The following MSI2 variants were observed in gnomAD, a reference collection of about 807,000 sequenced individuals.
The protein encoded by MSI2 is musashi RNA binding protein 2.
Under a neutral mutation model 45.6 loss-of-function variants are expected in MSI2, and 17 were observed. The observed-to-expected ratio is 0.37, with a 90% CI of 0.26 to 0.56. The LOEUF (loss-of-function observed/expected upper bound fraction) is 0.56, where lower values mean the gene tolerates loss of function less well. Ranked by LOEUF, MSI2 falls within the 20% of genes least tolerant of loss-of-function variation. MSI2 has a pLI of 0.77. For synonymous variants in MSI2, 156 were observed against 158.2 expected, an observed-to-expected ratio of 0.99 and a Z score of 0.11; for missense variants, 293 against 444.2, an observed-to-expected ratio of 0.66 and a Z score of 3.06.
intron 10 of MSI2, among the ~76,000 whole-genome samples, chr17:57,648,713 G>A (rs1038065510): frequency 6.6e-6 from 1 of 152,252 alleles, no homozygotes; most frequent in African/African-American, 2.4e-5. Flanking sequence ...TTGGCCCGAG[G>A]CCCTATGAAG....
chr17:57,382,383 C>T (rs1377308135), intron 5 of MSI2, among the ~76,000 whole-genome samples: 1 of 152,046 alleles, frequency 6.6e-6, no homozygotes, highest in African/African-American at 2.4e-5. Flanking sequence ...TAAGGAAGGC[C>T]TAGTGGAGAT....
chr17:57,603,373 T>A (rs1322385660), intron 8 of MSI2, among the ~76,000 whole-genome samples: 1 of 152,210 alleles, frequency 6.6e-6, no homozygotes, highest in Non-Finnish European at 1.5e-5. Context: ...AAGAGAGCCT[T>A]GGAACCTGAG....
rs901875415 is a variant in MSI2, at chr17:57,627,983, G to A, written c.727+680G>A. Reference sequence around the variant, plus strand: ...TGGGACCTCACCTGGGAGAAGCAGCGAGGGGAAACATGGTCTTGTAGGGAT... The same window carrying A: ...TGGGACCTCACCTGGGAGAAGCAGCAAGGGGAAACATGGTCTTGTAGGGAT... On this transcript the variant is annotated intron_variant, in intron 10 of 13. Transcript: ENST00000284073. This position sits in a 1 kb window ranked among gnomAD's most constrained non-coding sequence, Gnocchi z 4.6. 6 of 153,278 alleles carry A rather than the reference G, an allele frequency of 3.9e-5. No individual in the cohort carries two copies. Among genetic ancestry groups the A allele is most frequent in the Non-Finnish European group, 5.8e-5 (4 of 68,854 alleles). 9.5% of individuals were successfully genotyped at this position (153,278 alleles called of 1,614,324 possible). A position where few individuals can be genotyped will look rare whatever the true frequency, so the allele number is the denominator to read the frequency against.
intron 5 of MSI2, among the ~76,000 whole-genome samples, chr17:57,400,145 C>T (rs2083963050): frequency 6.6e-6 from 1 of 152,174 alleles, no homozygotes; most frequent in Admixed American, 6.5e-5. Context: ...ACTAAAATGG[C>T]ACATAGCCTA....
chr17:57,431,519 A>T (rs1052916760), intron 6 of MSI2, among the ~76,000 whole-genome samples: 4 of 152,152 alleles, frequency 2.6e-5, no homozygotes, highest in Non-Finnish European at 5.9e-5. Context: ...TCGGTGCGGC[A>T]TGTCTTTTAT....
intron 7 of MSI2, among the ~76,000 whole-genome samples, chr17:57,582,163 C>T (rs893924373): frequency 1.3e-5 from 2 of 152,160 alleles, no homozygotes; most frequent in African/African-American, 4.8e-5. Flanking sequence ...TGTTCCCACC[C>T]TACCTCCAGA....
chr17:57,578,247 A>G (rs1347117045), intron 7 of MSI2, among the ~76,000 whole-genome samples: 1 of 152,178 alleles, frequency 6.6e-6, no homozygotes, highest in African/African-American at 2.4e-5. Context: ...ACATGATCTA[A>G]TGGGTTTACA....
intron 5 of MSI2, among the ~76,000 whole-genome samples, chr17:57,397,840 G>A (rs1165159077): frequency 6.6e-6 from 1 of 152,166 alleles, no homozygotes; most frequent in Non-Finnish European, 1.5e-5. Context: ...GTTTCCACTG[G>A]CCTTTTCACG....
intron 5 of MSI2, among the ~76,000 whole-genome samples, chr17:57,273,390 G>T (rs1271390537): frequency 6.6e-6 from 1 of 151,776 alleles, no homozygotes; most frequent in East Asian, 1.9e-4. Flanking sequence ...CCTTGGATTT[G>T]ATCATTGTTT....
intron 10 of MSI2, among the ~76,000 whole-genome samples, chr17:57,643,988 G>T (rs558078999): frequency 6.6e-6 from 1 of 152,048 alleles, no homozygotes; most frequent in Non-Finnish European, 1.5e-5. Context: ...CAGGTTCCAC[G>T]TGCCTGTCAT....
At position 57,407,068 on chromosome 17, in the gene MSI2, C is replaced by G. The variant is rs891913545; in HGVS notation, c.405+5597C>G. The stretch of plus-strand genomic sequence containing the variant: ...AAAGGGTCCTTGGAGCCCTTTGTGT[C>G]GGATTGGGGTTGTGTGGGGGCCCAT... On this transcript the variant is annotated intron_variant, in intron 6 of 13. Transcript: ENST00000284073. This position sits in a 1 kb window ranked among gnomAD's most constrained non-coding sequence, Gnocchi z 4.1. 5.3e-5 allele frequency: 8 copies of G among 152,094 alleles called. No individual in the cohort carries two copies. Among genetic ancestry groups the G allele is most frequent in the African/African-American group, 1.9e-4 (8 of 41,474 alleles). 9.4% of individuals were successfully genotyped at this position (152,094 alleles called of 1,614,324 possible). A position where few individuals can be genotyped will look rare whatever the true frequency, so the allele number is the denominator to read the frequency against.
chr17:57,428,734 T>G (rs2084539970), intron 6 of MSI2, among the ~76,000 whole-genome samples: 1 of 152,124 alleles, frequency 6.6e-6, no homozygotes, highest in Admixed American at 6.5e-5. Flanking sequence ...AATATCATGT[T>G]TTATCTACTT....
At chr17:57,521,623 G>A (rs1270987284) in intron 6 of MSI2, among the ~76,000 whole-genome samples, 1 of 152,136 alleles carries the variant, frequency 6.6e-6, no homozygotes, top group Non-Finnish European at 1.5e-5. Context: ...GCAGCAGAAG[G>A]CCCATTAATA....
intron 7 of MSI2, among the ~76,000 whole-genome samples, chr17:57,547,418 A>T (rs905241915): frequency 6.6e-5 from 10 of 152,140 alleles, no homozygotes; most frequent in African/African-American, 2.4e-4. Context: ...TTATTGGAGA[A>T]GTGCAGTGGA....
chr17:57,610,670 G>T lies in MSI2; in HGVS notation c.538-5300G>T, dbSNP rs1018696918. Among the ~76,000 whole-genome samples, 2 of 93,570 alleles carry T rather than the reference G, an allele frequency of 2.1e-5. 1 individual carries two copies. Among genetic ancestry groups the T allele is most frequent in the African/African-American group, 6.7e-5 (2 of 29,862 alleles). 61.4% of individuals were successfully genotyped at this position (93,570 alleles called of 152,430 possible). Reference sequence around the variant, plus strand: ...TGGGAGGAGGCACCCAACCCAGTGGGCAGCAAGGACAAGAGTGTTAGCGAC... The same window carrying T: ...TGGGAGGAGGCACCCAACCCAGTGGTCAGCAAGGACAAGAGTGTTAGCGAC... On this transcript the variant is annotated intron_variant, in intron 8 of 13. Coordinates refer to ENST00000284073, the MANE Select transcript of MSI2 (RefSeq NM_138962.4).
chr17:57,546,014 C>T (rs1487650803), intron 7 of MSI2, among the ~76,000 whole-genome samples: 2 of 152,114 alleles, frequency 1.3e-5, no homozygotes, highest in African/African-American at 4.8e-5. Flanking sequence ...GCTCGACAGC[C>T]GAGGGGCAGC....
intron 6 of MSI2, among the ~76,000 whole-genome samples, chr17:57,526,408 T>TGTGTGA (rs1176865306): frequency 2.5e-4 from 30 of 118,520 alleles, no homozygotes; most frequent in African/African-American, 5.2e-4. Context: ...TGTGTGTGTG[T>TGTGTGA]GACAGAGAGA....
At chr17:57,582,773 T>C (rs939154219) in intron 7 of MSI2, among the ~76,000 whole-genome samples, 7 of 152,254 alleles carry the variant, frequency 4.6e-5, no homozygotes, top group African/African-American at 1.7e-4. Flanking sequence ...GTTGCATTTT[T>C]ATATTTTTAA....
intron 5 of MSI2, among the ~76,000 whole-genome samples, chr17:57,343,112 A>G (rs536484041): frequency 6.6e-6 from 1 of 152,296 alleles, no homozygotes; most frequent in Admixed American, 6.5e-5. Context: ...ACTACAATCA[A>G]TTTTGCTGTC....
Sources: allele counts gnomAD v4.1 joint callset (sites outside exome capture counted in the v4.1 genomes callset), GRCh38; gene constraint gnomAD v4.1.1; non-coding constraint Gnocchi (gnomAD v3.1); transcripts MANE v1.5; gene names NCBI Gene and HGNC (gene_info 2026-07-23, HGNC 2026-07-21).